Variants in FIP1L1 observed in about 807,000 individuals in gnomAD.
FIP1L1 encodes factor interacting with PAPOLA and CPSF1.
In FIP1L1, 21 loss-of-function variants were observed where a neutral mutation model predicts 84.6. The observed-to-expected ratio is 0.25, with a 90% CI of 0.18 to 0.36. The LOEUF (loss-of-function observed/expected upper bound fraction) is 0.36. Ranked by LOEUF, FIP1L1 falls within the 10% of genes least tolerant of loss-of-function variation. The probability of loss-of-function intolerance (pLI) is 1.00; values close to 1 mark genes in which losing one functional copy is unlikely to be tolerated. For missense variants in FIP1L1, 526 were observed against 751.1 expected (o/e 0.70, Z 3.50); for synonymous variants, 263 against 242.3 (o/e 1.09, Z -0.80).
intron 11 of FIP1L1, among the ~76,000 whole-genome samples, chr4:53,415,614 A>G (rs530468621): frequency 6.6e-6 from 1 of 151,618 alleles, no homozygotes; most frequent in South Asian, 2.1e-4. Flanking sequence ...AATTATTTTA[A>G]TTTAAAAACT....
intron 11 of FIP1L1, among the ~76,000 whole-genome samples, chr4:53,417,970 A>G (rs1306044177): frequency 6.6e-6 from 1 of 152,160 alleles, no homozygotes; most frequent in Non-Finnish European, 1.5e-5. Flanking sequence ...GCAAGTAAAT[A>G]ATGATTAAGA....
intron 12 of FIP1L1, among the ~76,000 whole-genome samples, chr4:53,426,291 G>C (rs1403675642): frequency 6.6e-6 from 1 of 152,094 alleles, no homozygotes; most frequent in Non-Finnish European, 1.5e-5. Context: ...TGTAATCTTA[G>C]AGATGAGACC....
intron 5 of FIP1L1, among the ~76,000 whole-genome samples, chr4:53,384,953 G>GTCATTTGTTTCAGTAGAAGTCATT (rs1740126462): frequency 6.6e-6 from 1 of 152,154 alleles, no homozygotes; most frequent in Non-Finnish European, 1.5e-5. Context: ...GTTTTCAGAA[G>GTCATTTGTTTCAGTAGAAGTCATT]TCATTTCAGG....
chr4:53,441,622 A>G (rs916540585), intron 13 of FIP1L1, among the ~76,000 whole-genome samples: 12 of 151,958 alleles, frequency 7.9e-5, no homozygotes, highest in African/African-American at 1.7e-4. Flanking sequence ...CATGAAAACA[A>G]TTTGAAGTGG....
chr4:53,381,753 C>CTTTTTTTTATTTTTTTTTTTTTTTTT (rs1738060942), intron 3 of FIP1L1, among the ~76,000 whole-genome samples: 2 of 87,948 alleles, frequency 2.3e-5, no homozygotes, highest in Non-Finnish European at 4.0e-5. Flanking sequence ...CATTTGCATT[C>CTTTTTTTTATTTTTTTTTTTTTTTTT]TTTTTTTTTT....
intron 13 of FIP1L1, among the ~76,000 whole-genome samples, chr4:53,428,711 A>T (rs183387524): frequency 2.0e-5 from 3 of 152,356 alleles, no homozygotes; most frequent in Admixed American, 2.0e-4. Context: ...ATTACAATTA[A>T]AAACCAGGTT....
At chr4:53,426,609 A>G (rs564463541) in intron 12 of FIP1L1, among the ~76,000 whole-genome samples, 9 of 152,300 alleles carry the variant, frequency 5.9e-5, no homozygotes, top group Non-Finnish European at 1.2e-4. Flanking sequence ...TTTACCACCT[A>G]AAGATAACCA....
intron 15 of FIP1L1, among the ~76,000 whole-genome samples, chr4:53,445,299 G>A (rs938911753): frequency 2.0e-5 from 3 of 152,172 alleles, no homozygotes; most frequent in Non-Finnish European, 4.4e-5. Context: ...GAGTAGAAAG[G>A]TGGGGTTGGC....
At chr4:53,414,561 G>T (rs1257175096) in intron 10 of FIP1L1, 54 bp from the exon 11 acceptor site, 2 of 1,213,406 alleles carry the variant, frequency 1.6e-6, no homozygotes, top group Non-Finnish European at 2.4e-6. Flanking sequence ...ACAGAACAAG[G>T]GGGGTCAGAG....
At chr4:53,402,838 G>A (rs527794263) in intron 10 of FIP1L1, among the ~76,000 whole-genome samples, 3 of 152,314 alleles carry the variant, frequency 2.0e-5, no homozygotes, top group South Asian at 4.1e-4. Flanking sequence ...ATATGAAGTA[G>A]AGAAGTTGCC....
chr4:53,408,990 C>G (rs1406458962), intron 10 of FIP1L1, among the ~76,000 whole-genome samples: 1 of 152,208 alleles, frequency 6.6e-6, no homozygotes, highest in Non-Finnish European at 1.5e-5. Flanking sequence ...TTTCTTCTCT[C>G]AACTCGTCAA....
rs940300629 is a variant in FIP1L1 at position 53,422,318 on chromosome 4, T to C, written c.924-3554T>C. Among the ~76,000 whole-genome samples, 13 of 152,274 alleles carry C rather than the reference T, an allele frequency of 8.5e-5. No individual in the cohort carries two copies. In the East Asian group the frequency reaches 9.6e-4, roughly 11 times the overall value. ...TTTTAAGTATTGTTTCATGAATCTTTTTTAGTTTTTAATGTATTGTGGGTA... is the reference window on the plus strand; with the variant it reads ...TTTTAAGTATTGTTTCATGAATCTTCTTTAGTTTTTAATGTATTGTGGGTA... On this transcript the variant is annotated intron_variant, in intron 11 of 17. Transcript: ENST00000337488.
Position 53,459,794 on chromosome 4 carries a change from A to G in FIP1L1, c.*345A>G, listed in dbSNP as rs964221660. 3 of 317,774 alleles carry G rather than the reference A, an allele frequency of 9.4e-6. No homozygotes were observed. The highest frequency in any genetic ancestry group is 2.2e-5 in the African/African-American group (1 of 46,290). 19.7% of individuals were successfully genotyped at this position (317,774 alleles called of 1,614,324 possible). On this transcript the variant is annotated 3_prime_UTR_variant, in exon 18 of 18. Coordinates refer to ENST00000337488, the MANE Select transcript of FIP1L1 (RefSeq NM_030917.4). ...CACTTGGGCCACAGTTTTTTTGTTAATCAAACACCACTCTCTTAAGAGGCT... is the reference window on the plus strand; with the variant it reads ...CACTTGGGCCACAGTTTTTTTGTTAGTCAAACACCACTCTCTTAAGAGGCT...
chr4:53,392,872 G>C (rs1745020596), intron 9 of FIP1L1, among the ~76,000 whole-genome samples: 1 of 152,152 alleles, frequency 6.6e-6, no homozygotes, highest in Non-Finnish European at 1.5e-5. Context: ...ATTGGATTCT[G>C]AATGAAAGAT....
chr4:53,431,161 C>G (rs1372959356), intron 13 of FIP1L1, among the ~76,000 whole-genome samples: 3 of 152,106 alleles, frequency 2.0e-5, no homozygotes. Flanking sequence ...GGATTTATAC[C>G]TGGTACATTC....
At chr4:53,417,229 A>G (rs548859116) in intron 11 of FIP1L1, among the ~76,000 whole-genome samples, 6 of 152,300 alleles carry the variant, frequency 3.9e-5, no homozygotes, top group African/African-American at 1.4e-4. Context: ...CTTCTCTCTA[A>G]AAAAGATGCT....
chr4:53,438,354 TA>T (rs1453852896), intron 13 of FIP1L1, among the ~76,000 whole-genome samples: 1 of 152,216 alleles, frequency 6.6e-6, no homozygotes, highest in Non-Finnish European at 1.5e-5. Context: ...AGTCAAATAC[TA>T]AATAGTGATT....
intron 10 of FIP1L1, among the ~76,000 whole-genome samples, chr4:53,404,876 T>G (rs1393953675): frequency 2.0e-5 from 3 of 151,672 alleles, no homozygotes; most frequent in Admixed American, 6.6e-5. Context: ...TCTTGTAAAT[T>G]TGTTTGAGTT....
At chr4:53,449,882 A>G (rs1343159268) in intron 15 of FIP1L1, among the ~76,000 whole-genome samples, 1 of 152,154 alleles carries the variant, frequency 6.6e-6, no homozygotes, top group Admixed American at 6.5e-5. Context: ...GTGTGTTGGT[A>G]TAAAGTGCAG....
Sources: gnomAD v4.1 joint callset for allele counts (sites outside exome capture counted in the v4.1 genomes callset) on GRCh38, gnomAD v4.1.1 for gene constraint, MANE v1.5 for transcripts, NCBI Gene and HGNC (gene_info 2026-07-23, HGNC 2026-07-21) for gene names.